MYO1D: variants seen among roughly 807,000 people sequenced by gnomAD.
MYO1D encodes unconventional myosin-Id.
In MYO1D, 83 loss-of-function variants were observed where a neutral mutation model predicts 122.0. The ratio of observed to expected loss-of-function variants is 0.68; its 90% CI spans 0.57 to 0.82. The LOEUF is 0.82. Ranked by LOEUF, MYO1D falls within the 40% of genes least tolerant of loss-of-function variation. The pLI is 0.00. For synonymous variants in MYO1D, 464 were observed against 446.9 expected (o/e 1.04, Z -0.48); for missense variants, 1,157 against 1,269.5 (o/e 0.91, Z 1.35).
At chr17:32,570,764 G>A (rs1011687570) in intron 21 of MYO1D, among the ~76,000 whole-genome samples, 2 of 152,214 alleles carry the variant, frequency 1.3e-5, no homozygotes, top group African/African-American at 4.8e-5. Flanking sequence ...TGACATCCCA[G>A]TTTGATATGA....
chr17:32,829,910 G>C (rs1333246378), intron 1 of MYO1D, among the ~76,000 whole-genome samples: 2 of 152,114 alleles, frequency 1.3e-5, no homozygotes, highest in African/African-American at 2.4e-5. Flanking sequence ...CAAATAAACA[G>C]ACATCTCTTC....
chr17:32,805,987 A>G lies in MYO1D; in HGVS notation c.96-25203T>C, dbSNP rs752746311. ...ATAAAGTAACCTTATGGCCGGGTGC[A>G]GTGGCTCACGCCTGTAATCCCAGCA... On this transcript the variant is annotated intron_variant, in intron 1 of 21. Transcript: ENST00000318217. Among the ~76,000 whole-genome samples, 13 of 152,288 alleles carry G rather than the reference A, an allele frequency of 8.5e-5. No individual in the cohort carries two copies. In the South Asian group the frequency reaches 1.0e-3, roughly 12 times the overall value.
chr17:32,522,615 T>A (rs118059649), intron 21 of MYO1D, among the ~76,000 whole-genome samples: 7,692 of 152,122 alleles, frequency 0.051, 275 homozygotes, highest in Admixed American at 0.081. Context: ...GAGGCTAGGA[T>A]GGCCTGGCAC....
At chr17:32,735,348 A>G (rs772607744) in intron 14 of MYO1D, among the ~76,000 whole-genome samples, 2 of 151,880 alleles carry the variant, frequency 1.3e-5, no homozygotes, top group Non-Finnish European at 2.9e-5. Flanking sequence ...ATGCCCAGCT[A>G]AGTTTTGTAT....
chr17:32,589,187 G>A (rs756379164), intron 21 of MYO1D, among the ~76,000 whole-genome samples: 3 of 152,132 alleles, frequency 2.0e-5, no homozygotes, highest in Non-Finnish European at 4.4e-5. Flanking sequence ...CAAGGTGGCC[G>A]GCCTCGTGGG....
chr17:32,559,100 A>G (rs1287205966), intron 21 of MYO1D, among the ~76,000 whole-genome samples: 2 of 152,216 alleles, frequency 1.3e-5, no homozygotes, highest in Non-Finnish European at 2.9e-5. Flanking sequence ...TGTGTGCAAT[A>G]TGAACCAAAT....
chr17:32,842,589 A>C (rs1292360439), intron 1 of MYO1D, among the ~76,000 whole-genome samples: 1 of 152,092 alleles, frequency 6.6e-6, no homozygotes, highest in Non-Finnish European at 1.5e-5. Flanking sequence ...CTTTCTCAGC[A>C]AAGGTGATCT....
intron 20 of MYO1D, among the ~76,000 whole-genome samples, chr17:32,620,605 C>T (rs569011429): frequency 1.4e-4 from 21 of 152,264 alleles, no homozygotes; most frequent in Non-Finnish European, 2.6e-4. Context: ...ACTTTCCTCT[C>T]TCCAGCATTC....
intron 2 of MYO1D, among the ~76,000 whole-genome samples, chr17:32,778,846 T>C (rs2090206651): frequency 6.6e-6 from 1 of 152,110 alleles, no homozygotes; most frequent in Non-Finnish European, 1.5e-5. Context: ...AAAAAGGTAC[T>C]GATGTGGTAA....
chr17:32,516,245 C>T (rs1436188483), intron 21 of MYO1D, among the ~76,000 whole-genome samples: 1 of 152,138 alleles, frequency 6.6e-6, no homozygotes. Flanking sequence ...TGGGATGGGG[C>T]ATCTATTTCT....
At chr17:32,681,738 T>G (rs1158184675) in intron 16 of MYO1D, among the ~76,000 whole-genome samples, 13 of 145,206 alleles carry the variant, frequency 9.0e-5, no homozygotes, top group African/African-American at 3.1e-4. Context: ...TTGATTTGGG[T>G]TGGAGAGTTC....
At position 32,748,594 on chromosome 17, in the gene MYO1D, G is replaced by A. The variant is rs537692860; in HGVS notation, c.1538+342C>T. Among the ~76,000 whole-genome samples the A allele has an allele frequency of 4.7e-4, 71 of 152,136 alleles. 1 individual carries two copies. Among genetic ancestry groups the A allele is most frequent in the Middle Eastern group, 3.4e-3 (1 of 294 alleles). On this transcript the variant is annotated intron_variant, in intron 12 of 21. Coordinates refer to ENST00000318217, the MANE Select transcript of MYO1D (RefSeq NM_015194.3). ...ACATGCCTATACTCTTCACTAAACTGTTGGTTCTTTAGGGCAAAGACCATC... is the reference window on the plus strand; with the variant it reads ...ACATGCCTATACTCTTCACTAAACTATTGGTTCTTTAGGGCAAAGACCATC...
chr17:32,659,835 T>C (rs1359683422), intron 16 of MYO1D, among the ~76,000 whole-genome samples: 1 of 152,202 alleles, frequency 6.6e-6, no homozygotes. Context: ...CGCGGCACTA[T>C]GTAAACTCTC....
At chr17:32,713,906 G>C (rs904953402) in intron 15 of MYO1D, among the ~76,000 whole-genome samples, 1 of 152,074 alleles carries the variant, frequency 6.6e-6, no homozygotes, top group Non-Finnish European at 1.5e-5. Context: ...TTATAGGCAA[G>C]AGCCACTGCA....
chr17:32,549,132 G>A (rs1165960247), intron 21 of MYO1D, among the ~76,000 whole-genome samples: 2 of 152,150 alleles, frequency 1.3e-5, no homozygotes, highest in East Asian at 1.9e-4. Context: ...TTGTTCTGTT[G>A]TCCAGGCTGG....
At chr17:32,791,526 C>T (rs1426223426) in intron 1 of MYO1D, among the ~76,000 whole-genome samples, 3 of 152,044 alleles carry the variant, frequency 2.0e-5, no homozygotes, top group Admixed American at 6.6e-5. Flanking sequence ...AAGAAACACA[C>T]CCTGAATTAT....
At position 32,673,985 on chromosome 17, in the gene MYO1D, A is replaced by G. The variant is rs182272021; in HGVS notation, c.2122-14647T>C. 1.2e-3 allele frequency among the ~76,000 whole-genome samples: 184 copies of G among 152,336 alleles called. 2 individuals are homozygous for G. The highest frequency in any genetic ancestry group is 3.4e-3 in the Middle Eastern group (1 of 294). On this transcript the variant is annotated intron_variant, in intron 16 of 21. Transcript: ENST00000318217. ...TGGGAAACATCTATGATATTCTAGG[A>G]AGAACCAAATATGCCTATGAGATAA... is the stretch of plus-strand genomic sequence containing the variant.
chr17:32,824,066 CAAAAA>C (rs58786179), intron 1 of MYO1D, among the ~76,000 whole-genome samples: 5 of 92,534 alleles, frequency 5.4e-5, no homozygotes, highest in East Asian at 2.9e-4. Context: ...GACTCCGTCT[CAAAAA>C]AAAAAAAAAA....
At chr17:32,812,509 G>A (rs1187109041) in intron 1 of MYO1D, among the ~76,000 whole-genome samples, 2 of 152,218 alleles carry the variant, frequency 1.3e-5, no homozygotes, top group Non-Finnish European at 2.9e-5. Context: ...TGACAGCAGA[G>A]TAAATGCTCT....
Sources: allele counts gnomAD v4.1 joint callset (sites outside exome capture counted in the v4.1 genomes callset), GRCh38; gene constraint gnomAD v4.1.1; transcripts MANE v1.5; gene names NCBI Gene and HGNC (gene_info 2026-07-23, HGNC 2026-07-21).